Variants in USP43 observed in about 807,000 individuals in gnomAD.
USP43 encodes the protein ubiquitin carboxyl-terminal hydrolase 43.
USP43 carries 33 observed loss-of-function variants against 90.7 expected under a neutral mutation model. The ratio of observed to expected loss-of-function variants is 0.36; its 90% CI spans 0.28 to 0.49. The LOEUF (loss-of-function observed/expected upper bound fraction) is 0.49, where lower values mean the gene tolerates loss of function less well. Among genes scored for constraint, USP43 ranks in the 20% least tolerant of loss-of-function variants. The pLI is 0.98. For synonymous variants in USP43, 598 were observed against 615.8 expected (o/e 0.97, Z 0.43); for missense variants, 1,274 against 1,476.4 (o/e 0.86, Z 2.25).
At position 9,664,005 on chromosome 17, in the gene USP43, A is replaced by C. The variant is rs141337533; in HGVS notation, c.637-2643A>C. 7.6e-3 allele frequency among the ~76,000 whole-genome samples: 1,159 copies of C among 152,172 alleles called. 12 individuals carry two copies. The highest frequency in any genetic ancestry group is 0.026 in the African/African-American group (1,097 of 41,500). On this transcript the variant is annotated intron_variant, in intron 2 of 14. Transcript: ENST00000285199. ...TGTTAGGACATAGAAGCCCCCACCC[A>C]CTGTGGCACCAGACTCACTTTCCAG...
intron 8 of USP43, among the ~76,000 whole-genome samples, chr17:9,688,917 G>T (rs1032634010): frequency 6.6e-6 from 1 of 151,734 alleles, no homozygotes; most frequent in African/African-American, 2.4e-5. Context: ...TTGAACTCCC[G>T]GGCTCAGTTG....
At chr17:9,692,083 A>T (rs1396755754) in intron 8 of USP43, among the ~76,000 whole-genome samples, 1 of 144,020 alleles carries the variant, frequency 6.9e-6, no homozygotes, top group African/African-American at 2.6e-5. Context: ...TGTAGGCTGG[A>T]CGTGGTGGCT....
In USP43 at chr17:9,654,391, C is replaced by T. The variant is rs568189874; in HGVS notation, c.505-2012C>T. The stretch of plus-strand genomic sequence containing the variant: ...CAAACTAATGTGATTGACGTAAAGA[C>T]TCAGAGCCACACTTGGGGAAGCCGA... On this transcript the variant is annotated intron_variant, in intron 1 of 14. Coordinates refer to ENST00000285199, the MANE Select transcript of USP43 (RefSeq NM_153210.5). Among the ~76,000 whole-genome samples the T allele has an allele frequency of 4.6e-5, 7 of 152,202 alleles. No individual in the cohort carries two copies. The East Asian group carries it at 1.4e-3, about 30-fold the overall frequency.
chr17:9,649,830 G>A (rs1164297419), intron 1 of USP43, among the ~76,000 whole-genome samples: 5 of 151,852 alleles, frequency 3.3e-5, no homozygotes, highest in Non-Finnish European at 5.9e-5. Flanking sequence ...TCTCATTTAA[G>A]CATTGTTACA....
chr17:9,722,028 G>A (rs1022910027), intron 14 of USP43, among the ~76,000 whole-genome samples: 4 of 151,900 alleles, frequency 2.6e-5, no homozygotes, highest in African/African-American at 9.7e-5. Flanking sequence ...GAGCCACTGC[G>A]CCCAGCCTAG....
At chr17:9,714,101 G>T (rs1454487288) in intron 14 of USP43, among the ~76,000 whole-genome samples, 1 of 152,144 alleles carries the variant, frequency 6.6e-6, no homozygotes, top group East Asian at 1.9e-4. Context: ...AATCTAATAC[G>T]CCTGCTGATC....
At chr17:9,682,761 G>T (rs138410710) in intron 6 of USP43, 62 bp from the exon 7 acceptor site, 3 of 1,580,482 alleles carry the variant, frequency 1.9e-6, no homozygotes, top group East Asian at 2.3e-5. Context: ...AGAAGCTAAG[G>T]CTCTGACCCA....
intron 4 of USP43, among the ~76,000 whole-genome samples, chr17:9,676,301 T>G (rs1013844111): frequency 6.6e-5 from 10 of 152,194 alleles, no homozygotes; most frequent in African/African-American, 2.4e-4. Context: ...CTGGTGACAA[T>G]GTACCAAGTA....
At position 9,713,290 on chromosome 17, in the gene USP43, T is replaced by G. The variant is rs558875058; in HGVS notation, c.2335+1158T>G. Among the ~76,000 whole-genome samples the G allele has an allele frequency of 6.6e-5, 10 of 152,240 alleles. No homozygotes were observed. In the South Asian group the frequency reaches 1.9e-3, roughly 28 times the overall value. On this transcript the variant is annotated intron_variant, in intron 14 of 14. Transcript: ENST00000285199. The stretch of plus-strand genomic sequence containing the variant: ...TTTTCGTAGAGACAGGGTTTCATCA[T>G]GTTGGTCAGGCTGATCTCAAACTCC...
At chr17:9,661,812 C>G (rs1912663154) in intron 2 of USP43, among the ~76,000 whole-genome samples, 1 of 152,158 alleles carries the variant, frequency 6.6e-6, no homozygotes, top group Admixed American at 6.5e-5. Context: ...TTTTCTTTCT[C>G]CATACCCTTC....
At chr17:9,727,173 T>C (rs745868693) in intron 14 of USP43, among the ~76,000 whole-genome samples, 74 of 152,308 alleles carry the variant, frequency 4.9e-4, no homozygotes, top group Admixed American at 6.5e-4. Flanking sequence ...GGTTTCACCA[T>C]GTTGGTCAGG....
chr17:9,701,051 A>T lies in USP43; in HGVS notation c.1536-68A>T, dbSNP rs537065721. Reference sequence around the variant, plus strand: ...GTCTGCTGACGGGTTTGCTGTGAGTAGAGACATAGACGAAACCTGTCTGGG... The same window carrying T: ...GTCTGCTGACGGGTTTGCTGTGAGTTGAGACATAGACGAAACCTGTCTGGG... On this transcript the variant is annotated intron_variant, in intron 10 of 14. Coordinates refer to ENST00000285199, the MANE Select transcript of USP43 (RefSeq NM_153210.5). The surrounding 1 kb of genome is among the most constrained non-coding windows in gnomAD (Gnocchi z 7.2). 5 of 1,422,654 alleles carry T rather than the reference A, an allele frequency of 3.5e-6. No homozygotes were observed. The highest frequency in any genetic ancestry group is 4.6e-6 in the Non-Finnish European group (5 of 1,086,104). The allele number at this position is 1,422,654 out of a possible 1,614,324, so 88.1% of individuals were successfully genotyped here.
chr17:9,680,466 A>C, intron 6 of USP43, 100 bp downstream of exon 6: 1 of 1,384,542 alleles, frequency 7.2e-7, no homozygotes, highest in Non-Finnish European at 9.9e-7. Context: ...CAATTTTAGC[A>C]CTTGGAACAG....
At chr17:9,652,248 A>G (rs1021341106) in intron 1 of USP43, among the ~76,000 whole-genome samples, 1 of 151,778 alleles carries the variant, frequency 6.6e-6, no homozygotes, top group African/African-American at 2.4e-5. Context: ...AAGAAAGGAA[A>G]AAAAAGATGT....
intron 14 of USP43, among the ~76,000 whole-genome samples, chr17:9,723,750 A>G (rs1349414671): frequency 1.3e-5 from 2 of 150,568 alleles, no homozygotes; most frequent in Non-Finnish European, 3.0e-5. Flanking sequence ...CACCTGGCTA[A>G]TTTTTGTATT....
intron 1 of USP43, among the ~76,000 whole-genome samples, chr17:9,647,954 G>T (rs1178486915): frequency 6.6e-6 from 1 of 152,182 alleles, no homozygotes; most frequent in Non-Finnish European, 1.5e-5. Context: ...CTGGGAGGCG[G>T]AGCTTGCAGT....
At chr17:9,679,927 A>G (rs908658340) in intron 5 of USP43, among the ~76,000 whole-genome samples, 1 of 152,092 alleles carries the variant, frequency 6.6e-6, no homozygotes, top group African/African-American at 2.4e-5. Context: ...TTCACTCTGT[A>G]GTAAACACTC....
In USP43 at chr17:9,674,973, C is replaced by T. The variant is rs773298892; in HGVS notation, c.823C>T (p.Arg275Cys). The change falls in exon 4 of 15, where the codon CGC becomes TGC. Residue 275 changes from arginine (R) to cysteine (C), a missense_variant. By Grantham distance (180) the Arg-to-Cys change is radical. Transcript: ENST00000285199. The surrounding 1 kb of genome is among the most constrained non-coding windows in gnomAD (Gnocchi z 4.4). Reference protein sequence around the residue: ...FLCVSLPIPLRQTRFLSVTLV... With the variant: ...FLCVSLPIPLCQTRFLSVTLV... Reference sequence around the variant, plus strand: ...GTGTGTGTCCCTACCTATCCCCTTGCGCCAGACGAGGTACGTGAGTGTCGC... The same window carrying T: ...GTGTGTGTCCCTACCTATCCCCTTGTGCCAGACGAGGTACGTGAGTGTCGC... The T allele has an allele frequency of 4.4e-5, 71 of 1,613,840 alleles. No homozygotes were observed. The highest frequency in any genetic ancestry group is 1.3e-4 in the South Asian group (12 of 91,084).
intron 5 of USP43, among the ~76,000 whole-genome samples, chr17:9,678,784 C>A (rs1913967067): frequency 6.6e-6 from 1 of 150,498 alleles, no homozygotes; most frequent in Non-Finnish European, 1.5e-5. Flanking sequence ...TTACATTGAG[C>A]AATTTTTCTT....
Sources: gnomAD v4.1 joint callset for allele counts (sites outside exome capture counted in the v4.1 genomes callset) on GRCh38, gnomAD v4.1.1 for gene constraint, Gnocchi (gnomAD v3.1) non-coding constraint, MANE v1.5 for transcripts, NCBI Gene and HGNC (gene_info 2026-07-23, HGNC 2026-07-21) for gene names.